Variants in ZNF778 observed in about 807,000 individuals in gnomAD.
ZNF778 encodes zinc finger protein 778.
In ZNF778, 37 loss-of-function variants were observed where a neutral mutation model predicts 23.9. That is an observed-to-expected ratio of 1.54 (90% CI 1.19 to 2.03). The LOEUF is 2.03. ZNF778 is among the 30% of genes most tolerant of loss of function. ZNF778 has a pLI of 0.00. For missense variants in ZNF778, 1,297 were observed against 934.4 expected, an observed-to-expected ratio of 1.39 and a Z score of -5.06; for synonymous variants, 483 against 343.9, an observed-to-expected ratio of 1.40 and a Z score of -4.48.
chr16:89,217,912 TGA>T lies in ZNF778; in HGVS notation c.-132+8_-132+9del, dbSNP rs1366569999. On this transcript the variant is annotated splice_donor_region_variant and intron_variant, in intron 1 of 6. Transcript: ENST00000433976. ...CAGCGCTTCCATTCCGCGGAGCTGGTGAGAGAGGGGCCCTTTGCTTCCTTCAC... is the reference window on the plus strand; with the variant it reads ...CAGCGCTTCCATTCCGCGGAGCTGGTGAGAGGGGCCCTTTGCTTCCTTCAC... The T allele has an allele frequency of 1.3e-5, 2 of 152,272 alleles. No homozygotes were observed. Among genetic ancestry groups the T allele is most frequent in the Admixed American group, 1.3e-4 (2 of 15,290 alleles). The allele number at this position is 152,272 out of a possible 1,614,324, so 9.4% of individuals were successfully genotyped here.
In ZNF778 at chr16:89,236,368, A is replaced by G. The variant is rs552856853; in HGVS notation, c.*7806A>G. On this transcript the variant is annotated 3_prime_UTR_variant, in exon 7 of 7. Transcript: ENST00000433976. ...GTAGGAGCATTTTTCAAGTTCTGAAATAAAAAGAAATGCCAACCCAGATTG... is the reference window on the plus strand; with the variant it reads ...GTAGGAGCATTTTTCAAGTTCTGAAGTAAAAAGAAATGCCAACCCAGATTG... 8 of 152,326 alleles carry G rather than the reference A, an allele frequency of 5.3e-5. No homozygotes were observed. In the South Asian group the frequency reaches 1.7e-3, roughly 32 times the overall value. 9.4% of individuals were successfully genotyped at this position (152,326 alleles called of 1,614,324 possible). A position where few individuals can be genotyped will look rare whatever the true frequency, so the allele number is the denominator to read the frequency against.
rs901280670 is a variant in ZNF778 at position 89,229,116 on chromosome 16, G to A, written c.*554G>A. 1 of 986,070 alleles carries A rather than the reference G, an allele frequency of 1.0e-6. No individual in the cohort carries two copies. 61.1% of individuals were successfully genotyped at this position (986,070 alleles called of 1,614,324 possible). A position where few individuals can be genotyped will look rare whatever the true frequency, so the allele number is the denominator to read the frequency against. Reference sequence around the variant, plus strand: ...TCTTGGAGTGAGGACTCTGTTCCCTGTAGAAATCCTCCAGTCTGGTTGCTA... The same window carrying A: ...TCTTGGAGTGAGGACTCTGTTCCCTATAGAAATCCTCCAGTCTGGTTGCTA... On this transcript the variant is annotated 3_prime_UTR_variant, in exon 7 of 7. Transcript: ENST00000433976.
Position 89,235,894 on chromosome 16 carries a change from C to A in ZNF778, c.*7332C>A, listed in dbSNP as rs543624664. ...CAAGCCCAGGCCGGGGGCGGTGGCT[C>A]ACACCTGTAATCCCAGCACTTTGGG... On this transcript the variant is annotated 3_prime_UTR_variant, in exon 7 of 7. Coordinates refer to ENST00000433976, the MANE Select transcript of ZNF778 (RefSeq NM_001201407.2). The A allele has an allele frequency of 6.6e-6, 1 of 151,804 alleles. No homozygotes were observed. Among genetic ancestry groups the A allele is most frequent in the African/African-American group, 2.4e-5 (1 of 41,306 alleles). The allele number at this position is 151,804 out of a possible 1,614,324, so 9.4% of individuals were successfully genotyped here.
chr16:89,233,628 G>A lies in ZNF778; in HGVS notation c.*5066G>A. On this transcript the variant is annotated 3_prime_UTR_variant, in exon 7 of 7. Transcript: ENST00000433976. Reference sequence around the variant, plus strand: ...CTGCATATGCAACTCAACTCACACTGTATGCAACTCAGCTCGCTCTGCATA... The same window carrying A: ...CTGCATATGCAACTCAACTCACACTATATGCAACTCAGCTCGCTCTGCATA... 3 of 1,135,696 alleles carry A rather than the reference G, an allele frequency of 2.6e-6. No individual in the cohort carries two copies. The highest frequency in any genetic ancestry group is 3.5e-6 in the Non-Finnish European group (3 of 867,250). The allele number at this position is 1,135,696 out of a possible 1,614,324, so 70.4% of individuals were successfully genotyped here.
chr16:89,227,217 A>C lies in ZNF778; in HGVS notation c.929A>C (p.Glu310Ala), dbSNP rs1170344482. 1.2e-5 allele frequency: 20 copies of C among 1,613,130 alleles called. No individual in the cohort carries two copies. In the African/African-American group the frequency reaches 2.3e-4, roughly 18 times the overall value. The change falls in exon 7 of 7, where the codon GAA (glutamate) becomes GCA (alanine). Residue 310 changes from glutamate to alanine, a missense_variant. Physicochemically the swap from Glu to Ala is moderately radical, Grantham distance 107. Transcript: ENST00000433976. ...GTCCACCCTGGGGAAAAGCCCTGTG[A>C]ATTGGAAGAATGTGGAAAAGCCTCC... ...VQVHPGEKPCELEECGKASPV... is the reference protein window; with the variant it reads ...VQVHPGEKPCALEECGKASPV...
rs1597365862 is a variant in ZNF778 at position 89,228,964 on chromosome 16, T to C, written c.*402T>C. The C allele has an allele frequency of 4.0e-6, 4 of 1,001,898 alleles. No individual in the cohort carries two copies. Among genetic ancestry groups the C allele is most frequent in the Non-Finnish European group, 4.8e-6 (4 of 840,298 alleles). 62.1% of individuals were successfully genotyped at this position (1,001,898 alleles called of 1,614,324 possible). Reference sequence around the variant, plus strand: ...TAAACGTGGTGATTGACACTTGAAGTGTTGTGAATGTATGGAAGATAGCAG... The same window carrying C: ...TAAACGTGGTGATTGACACTTGAAGCGTTGTGAATGTATGGAAGATAGCAG... On this transcript the variant is annotated 3_prime_UTR_variant, in exon 7 of 7. Coordinates refer to ENST00000433976, the MANE Select transcript of ZNF778 (RefSeq NM_001201407.2).
At chr16:89,226,457 G>T (rs942276015) in intron 6 of ZNF778, among the ~76,000 whole-genome samples, 1 of 151,974 alleles carries the variant, frequency 6.6e-6, no homozygotes, top group Admixed American at 6.6e-5. Context: ...TGCCCGCCTC[G>T]GCCTCCCAAA....
rs201164663 is a variant in ZNF778, at chr16:89,226,794, C to T, written c.506C>T (p.Thr169Ile). 42 of 1,614,008 alleles carry T rather than the reference C, an allele frequency of 2.6e-5. No homozygotes were observed. In the East Asian group the frequency reaches 7.1e-4, roughly 27 times the overall value. ...GLSTHVRTQNTGDSCVSNHYE... is the reference protein window; with the variant it reads ...GLSTHVRTQNIGDSCVSNHYE... ...AGCACACACGTGAGAACTCAAAATA[C>T]AGGAGACAGTTGTGTGTCTAATCAT... Residue 169 changes from threonine (T) to isoleucine (I), a missense_variant, in exon 7 of 7, where the codon ACA (threonine) becomes ATA (isoleucine). Physicochemically the swap from Thr to Ile is moderately conservative, Grantham distance 89 (BLOSUM62 -1). Coordinates refer to ENST00000433976, the MANE Select transcript of ZNF778 (RefSeq NM_001201407.2).
In ZNF778 at chr16:89,221,028, A is replaced by G; in HGVS notation, c.-100A>G. 7.5e-7 allele frequency: 1 copy of G among 1,341,122 alleles called. No homozygotes were observed. The allele number at this position is 1,341,122 out of a possible 1,614,324, so 83.1% of individuals were successfully genotyped here. On this transcript the variant is annotated 5_prime_UTR_variant, in exon 2 of 7. Transcript: ENST00000433976. ...GGGATCCAGCCATCCGTGGGTCAGG[A>G]GGAATGGAGACTGTACCTTCCACAT...
At chr16:89,224,486 G>A (rs547798581) in intron 4 of ZNF778, 2 of 400,598 alleles carry the variant, frequency 5.0e-6, no homozygotes, top group African/African-American at 4.0e-5. Context: ...AGGCGTGGTG[G>A]CGGGCACCTA....
chr16:89,226,214 C>CT (rs940642126), intron 6 of ZNF778, among the ~76,000 whole-genome samples: 6 of 151,216 alleles, frequency 4.0e-5, no homozygotes, highest in East Asian at 2.0e-4. Flanking sequence ...CTGGCCGATT[C>CT]TTTTTTTTGA....
chr16:89,226,766 C>G lies in ZNF778; in HGVS notation c.478C>G (p.Leu160Val), dbSNP rs1030163697. The G allele has an allele frequency of 3.7e-6, 6 of 1,613,996 alleles. No individual in the cohort carries two copies. Among genetic ancestry groups the G allele is most frequent in the Middle Eastern group, 3.3e-4 (2 of 6,062 alleles). The change falls in exon 7 of 7, where the codon CTC (leucine) becomes GTC (valine). Residue 160 changes from leucine (L) to valine (V), a missense_variant. Coordinates refer to ENST00000433976, the MANE Select transcript of ZNF778 (RefSeq NM_001201407.2). ...AGAAGCTTTCAGTGAACACTCAGGC[C>G]TCAGCACACACGTGAGAACTCAAAA... is the stretch of plus-strand genomic sequence containing the variant. Reference protein sequence around the residue: ...CGEAFSEHSGLSTHVRTQNTG... With the variant: ...CGEAFSEHSGVSTHVRTQNTG...
chr16:89,232,575 C>G lies in ZNF778; in HGVS notation c.*4013C>G. On this transcript the variant is annotated 3_prime_UTR_variant, in exon 7 of 7. Coordinates refer to ENST00000433976, the MANE Select transcript of ZNF778 (RefSeq NM_001201407.2). ...CTTATGCCCTCCTGTGTGAAAATCT[C>G]CACTCCCAATGTCTGAGGGTTCCTC... The G allele has an allele frequency of 1.7e-6, 2 of 1,163,922 alleles. No individual in the cohort carries two copies. The highest frequency in any genetic ancestry group is 5.8e-5 in the East Asian group (1 of 17,206). The allele number at this position is 1,163,922 out of a possible 1,614,324, so 72.1% of individuals were successfully genotyped here.
rs1463268104 is a variant in ZNF778 at position 89,232,814 on chromosome 16, C to A, written c.*4252C>A. On this transcript the variant is annotated 3_prime_UTR_variant, in exon 7 of 7. Coordinates refer to ENST00000433976, the MANE Select transcript of ZNF778 (RefSeq NM_001201407.2). ...GCACATCAACTCACTGCATATGCAACTCAACTCACACCGTATATGCAACTC... is the reference window on the plus strand; with the variant it reads ...GCACATCAACTCACTGCATATGCAAATCAACTCACACCGTATATGCAACTC... 3 of 1,288,392 alleles carry A rather than the reference C, an allele frequency of 2.3e-6. No individual in the cohort carries two copies. Among genetic ancestry groups the A allele is most frequent in the African/African-American group, 1.5e-5 (1 of 65,122 alleles). The allele number at this position is 1,288,392 out of a possible 1,614,324, so 79.8% of individuals were successfully genotyped here. A position where few individuals can be genotyped will look rare whatever the true frequency, so the allele number is the denominator to read the frequency against.
rs750101368 is a variant in ZNF778, at chr16:89,228,340, C to G, written c.2052C>G (p.Ala684=). The G allele has an allele frequency of 1.2e-5, 19 of 1,613,466 alleles. No individual in the cohort carries two copies. The highest frequency in any genetic ancestry group is 1.6e-4 in the Middle Eastern group (1 of 6,084). ...ACGAGTGTGGGAAAGCCTTCCGTGC[C>G]TCCTCTCACCTGCATAAACATGGAA... ...ICNECGKAFR[A]SSHLHKHGRI... Residue 684 remains alanine, a synonymous_variant, in exon 7 of 7, where the codon GCC becomes GCG. Coordinates refer to ENST00000433976, the MANE Select transcript of ZNF778 (RefSeq NM_001201407.2).
intron 4 of ZNF778, among the ~76,000 whole-genome samples, chr16:89,224,214 G>A (rs1382669220): frequency 6.6e-6 from 1 of 151,330 alleles, no homozygotes; most frequent in Admixed American, 6.6e-5. Flanking sequence ...GAGGCAGGGT[G>A]TGGTGGCCAC....
intron 1 of ZNF778, among the ~76,000 whole-genome samples, chr16:89,219,360 A>G (rs569276027): frequency 1.3e-5 from 2 of 152,108 alleles, no homozygotes; most frequent in Non-Finnish European, 2.9e-5. Flanking sequence ...GCTGCTTCCT[A>G]TGAACTTGTA....
In ZNF778 at chr16:89,228,856, G is replaced by T; in HGVS notation, c.*294G>T. 9.2e-7 allele frequency: 1 copy of T among 1,092,116 alleles called. No homozygotes were observed. The highest frequency in any genetic ancestry group is 4.0e-5 in the South Asian group (1 of 25,146). The allele number at this position is 1,092,116 out of a possible 1,614,324, so 67.7% of individuals were successfully genotyped here. A position where few individuals can be genotyped will look rare whatever the true frequency, so the allele number is the denominator to read the frequency against. Reference sequence around the variant, plus strand: ...GCTCAGTACTTTGATGATCCCTTGTGATCTCACAATGAAGAAAAACCTTAG... The same window carrying T: ...GCTCAGTACTTTGATGATCCCTTGTTATCTCACAATGAAGAAAAACCTTAG... On this transcript the variant is annotated 3_prime_UTR_variant, in exon 7 of 7. Transcript: ENST00000433976.
chr16:89,219,947 T>C (rs916153290), intron 1 of ZNF778, among the ~76,000 whole-genome samples: 13 of 152,250 alleles, frequency 8.5e-5, no homozygotes, highest in Non-Finnish European at 1.3e-4. Flanking sequence ...CTATGGCCCC[T>C]GAATCACAAG....
Sources: allele counts gnomAD v4.1 joint callset (sites outside exome capture counted in the v4.1 genomes callset), GRCh38; gene constraint gnomAD v4.1.1; transcripts MANE v1.5; gene names NCBI Gene and HGNC (gene_info 2026-07-23, HGNC 2026-07-21).